Variants in TAF4B observed in about 807,000 individuals in gnomAD.
The protein encoded by TAF4B is TATA-box binding protein associated factor 4b, also known as transcription initiation factor TFIID subunit 4B.
A neutral mutation model predicts 86.4 loss-of-function variants in TAF4B; 38 were observed. The observed-to-expected ratio is 0.44, with a 90% CI of 0.34 to 0.58. The LOEUF (loss-of-function observed/expected upper bound fraction) is 0.58. Ranked by LOEUF, TAF4B falls within the 20% of genes least tolerant of loss-of-function variation. The pLI is 0.02. For missense variants in TAF4B, 988 were observed against 1,027.6 expected (o/e 0.96, Z 0.53); for synonymous variants, 388 against 391.2 (o/e 0.99, Z 0.10).
intron 9 of TAF4B, among the ~76,000 whole-genome samples, chr18:26,294,739 G>C (rs2056640627): frequency 6.7e-6 from 1 of 149,884 alleles, no homozygotes; most frequent in Non-Finnish European, 1.5e-5. Flanking sequence ...CAGTTAAAGT[G>C]GGGGAAAGCA....
At chr18:26,361,998 T>C (rs2057336550) in intron 14 of TAF4B, among the ~76,000 whole-genome samples, 1 of 152,186 alleles carries the variant, frequency 6.6e-6, no homozygotes, top group African/African-American at 2.4e-5. Context: ...TTGTAACTTT[T>C]AATTCCTTTG....
At chr18:26,256,029 G>A (rs2056078957) in intron 1 of TAF4B, 1 of 1,266,756 alleles carries the variant, frequency 7.9e-7, no homozygotes. Context: ...TCCTTCTGCA[G>A]TTTACTGATA....
At chr18:26,369,768 G>T (rs1398220897) in intron 14 of TAF4B, among the ~76,000 whole-genome samples, 1 of 152,192 alleles carries the variant, frequency 6.6e-6, no homozygotes, top group African/African-American at 2.4e-5. Flanking sequence ...AATTACACAT[G>T]GCCAAATCTC....
chr18:26,271,119 A>G (rs1408681044), intron 3 of TAF4B, among the ~76,000 whole-genome samples: 1 of 152,224 alleles, frequency 6.6e-6, no homozygotes, highest in Non-Finnish European at 1.5e-5. Flanking sequence ...TAGGCATGGA[A>G]ATAAGGAGCT....
rs1357433882 is a variant in TAF4B, at chr18:26,359,800, C to A, written c.2421+2006C>A. On this transcript the variant is annotated intron_variant, in intron 14 of 14. Coordinates refer to ENST00000269142, the MANE Select transcript of TAF4B (RefSeq NM_005640.3). ...GCACAATCTTGGCTCACTGCAGCCT[C>A]AACTTCCTGGGCTCAAGCAATCCTG... 4.6e-5 allele frequency among the ~76,000 whole-genome samples: 7 copies of A among 152,196 alleles called. No homozygotes were observed. The East Asian group carries it at 1.4e-3, about 29-fold the overall frequency.
At chr18:26,276,293 A>G (rs938837002) in intron 5 of TAF4B, among the ~76,000 whole-genome samples, 4 of 152,244 alleles carry the variant, frequency 2.6e-5, no homozygotes, top group Admixed American at 6.5e-5. Flanking sequence ...GGTTTCTTAC[A>G]TCCTCTTTCA....
chr18:26,372,798 G>T (rs138614762), intron 14 of TAF4B, among the ~76,000 whole-genome samples: 2 of 150,614 alleles, frequency 1.3e-5, no homozygotes, highest in African/African-American at 4.9e-5. Flanking sequence ...GTGAAACCCC[G>T]TCTCTACTAA....
At chr18:26,298,745 A>G (rs1296261713) in intron 9 of TAF4B, among the ~76,000 whole-genome samples, 2 of 144,704 alleles carry the variant, frequency 1.4e-5, no homozygotes, top group East Asian at 2.1e-4. Flanking sequence ...GGATTTCACT[A>G]TGTTTCCCAG....
rs1011326273 is a variant in TAF4B, at chr18:26,274,608, C to A, written c.598-55C>A. 4 of 1,588,740 alleles carry A rather than the reference C, an allele frequency of 2.5e-6. No individual in the cohort carries two copies. The African/African-American group carries it at 5.4e-5, about 21-fold the overall frequency. On this transcript the variant is annotated intron_variant, in intron 3 of 14. Coordinates refer to ENST00000269142, the MANE Select transcript of TAF4B (RefSeq NM_005640.3). ...TGTCTGATGAGTGTGAAATGAGGCA[C>A]CCACTAATGTATCATAGTAATACAT...
intron 1 of TAF4B, among the ~76,000 whole-genome samples, chr18:26,258,127 G>C (rs2144518378): frequency 6.6e-6 from 1 of 152,088 alleles, no homozygotes; most frequent in Non-Finnish European, 1.5e-5. Context: ...GGTGGCATGT[G>C]CCTGTAATCC....
At chr18:26,325,981 C>A (rs1398361730) in intron 11 of TAF4B, among the ~76,000 whole-genome samples, 1 of 152,130 alleles carries the variant, frequency 6.6e-6, no homozygotes, top group East Asian at 1.9e-4. Flanking sequence ...ATTGAATCAA[C>A]CATAAGCAGG....
chr18:26,305,023 T>C, intron 9 of TAF4B: 1 of 426,860 alleles, frequency 2.3e-6, no homozygotes, highest in Non-Finnish European at 3.1e-6. Context: ...TTGTTTAACT[T>C]GGAAATTTGT....
intron 13 of TAF4B, among the ~76,000 whole-genome samples, chr18:26,353,070 TTA>T (rs1247942545): frequency 6.6e-6 from 1 of 152,210 alleles, no homozygotes; most frequent in Non-Finnish European, 1.5e-5. Flanking sequence ...CCAGTTCATT[TTA>T]TGAGGCCATT....
intron 14 of TAF4B, among the ~76,000 whole-genome samples, chr18:26,381,014 A>G (rs186252117): frequency 4.6e-5 from 7 of 152,148 alleles, no homozygotes; most frequent in Admixed American, 3.3e-4. Flanking sequence ...AGTCTTATTT[A>G]TATACCTACT....
chr18:26,356,291 C>T (rs370965367), intron 13 of TAF4B, among the ~76,000 whole-genome samples: 1 of 152,056 alleles, frequency 6.6e-6, no homozygotes, highest in African/African-American at 2.4e-5. Context: ...ATAACAGTCA[C>T]CCTGGGTGTT....
intron 14 of TAF4B, among the ~76,000 whole-genome samples, chr18:26,370,886 T>G (rs2057401750): frequency 6.6e-6 from 1 of 152,178 alleles, no homozygotes; most frequent in Admixed American, 6.5e-5. Context: ...GAAATTGAGA[T>G]AGATGATAGA....
chr18:26,341,002 A>C (rs1160625744), intron 13 of TAF4B, among the ~76,000 whole-genome samples: 1 of 152,140 alleles, frequency 6.6e-6, no homozygotes, highest in Admixed American at 6.5e-5. Context: ...AAAATATTAG[A>C]GATTCATAAG....
chr18:26,246,276 C>T (rs1259958095), intron 1 of TAF4B, among the ~76,000 whole-genome samples: 1 of 152,130 alleles, frequency 6.6e-6, no homozygotes, highest in Non-Finnish European at 1.5e-5. Flanking sequence ...ATGACTATGT[C>T]TAAGAAGGCT....
intron 14 of TAF4B, among the ~76,000 whole-genome samples, chr18:26,368,464 G>T (rs945600578): frequency 2.6e-5 from 4 of 152,148 alleles, no homozygotes; most frequent in African/African-American, 9.7e-5. Flanking sequence ...CTATTCACAT[G>T]AAAGGCCCAG....
Sources: allele counts gnomAD v4.1 joint callset (sites outside exome capture counted in the v4.1 genomes callset), GRCh38; gene constraint gnomAD v4.1.1; transcripts MANE v1.5; gene names NCBI Gene and HGNC (gene_info 2026-07-23, HGNC 2026-07-21).